The following CYB5R1 variants were observed in gnomAD, a reference collection of about 807,000 sequenced individuals.
The protein encoded by CYB5R1 is NADH-cytochrome b5 reductase 1.
In CYB5R1, 32 loss-of-function variants were observed where a neutral mutation model predicts 37.4. The observed-to-expected ratio is 0.86, with a 90% CI of 0.65 to 1.15. The LOEUF is 1.15. CYB5R1 is among the 50% of genes most tolerant of loss of function. The pLI, the probability that CYB5R1 is intolerant of heterozygous loss-of-function variation, is 0.00. For missense variants in CYB5R1, 345 were observed against 382.5 expected, an observed-to-expected ratio of 0.90 and a Z score of 0.82; for synonymous variants, 159 against 155.2, an observed-to-expected ratio of 1.02 and a Z score of -0.18.
chr1:202,964,717 G>A (rs1372719177), intron 5 of CYB5R1, 22 bp from the exon 6 acceptor site: 1 of 1,553,726 alleles, frequency 6.4e-7, no homozygotes, highest in East Asian at 2.2e-5. Flanking sequence ...GGTGAAGAGA[G>A]CAGTGGAAGA....
chr1:202,966,272 G>A (rs1275041409), intron 3 of CYB5R1: 1 of 598,784 alleles, frequency 1.7e-6, no homozygotes, highest in Non-Finnish European at 3.0e-6. Flanking sequence ...AGTAGTGCTT[G>A]CTCAGAGGGA....
chr1:202,966,091 C>A, intron 3 of CYB5R1, 98 bp from the exon 4 acceptor site: 1 of 836,040 alleles, frequency 1.2e-6, no homozygotes, highest in Non-Finnish European at 2.0e-6. Context: ...GTCTTGCTTC[C>A]TGCTGTGGTC....
At chr1:202,965,581 T>TCA in intron 4 of CYB5R1, 81 bp from the exon 5 acceptor site, 1 of 1,400,794 alleles carries the variant, frequency 7.1e-7, no homozygotes, top group Non-Finnish European at 9.6e-7. Flanking sequence ...TCCCTGAGGC[T>TCA]GGGGCAGGGA....
At position 202,966,863 on chromosome 1, in the gene CYB5R1, C is replaced by A; in HGVS notation, c.51G>T (p.Leu17=). The part of the protein sequence containing the change: ...PVLLASLGVG[L]VTLLGLAVGS... ...CCACAGCCAGGCCGAGCAGAGTGAC[C>A]AGCCCCACCCCCAGGGAGGCCAGCA... Residue 17 remains leucine, a synonymous_variant, in exon 2 of 9, where the codon CTG becomes CTT. Coordinates refer to ENST00000367249, the MANE Select transcript of CYB5R1 (RefSeq NM_016243.3). The A allele has an allele frequency of 3.7e-6, 6 of 1,613,448 alleles. No individual in the cohort carries two copies. Among genetic ancestry groups the A allele is most frequent in the Non-Finnish European group, 5.1e-6 (6 of 1,179,730 alleles).
chr1:202,965,972 G>C lies in CYB5R1; in HGVS notation c.260C>G (p.Thr87Ser), dbSNP rs1300979237. The change falls in exon 4 of 9, where the codon ACC becomes AGC. Residue 87 changes from threonine (T) to serine (S), a missense_variant. Thr to Ser is a moderately conservative substitution (Grantham distance 58, BLOSUM62 1). Coordinates refer to ENST00000367249, the MANE Select transcript of CYB5R1 (RefSeq NM_016243.3). ...GATGACCAGGCTGCCATCAATTCGG[G>C]TGGAGAGGTAGATATGTTTGCCTGG... Reference protein sequence around the residue: ...LPVGKHIYLSTRIDGSLVIRP... With the variant: ...LPVGKHIYLSSRIDGSLVIRP... 6.2e-7 allele frequency: 1 copy of C among 1,613,742 alleles called. No homozygotes were observed. Among genetic ancestry groups the C allele is most frequent in the East Asian group, 2.2e-5 (1 of 44,884 alleles).
intron 6 of CYB5R1, 80 bp downstream of exon 6, chr1:202,964,532 C>T: frequency 9.3e-7 from 1 of 1,070,996 alleles, no homozygotes; most frequent in Non-Finnish European, 1.5e-6. Flanking sequence ...CTATGGTTAC[C>T]AGTCTTCAGA....
rs774416493 is a variant in CYB5R1 at position 202,966,739 on chromosome 1, C to T, written c.165+10G>A. On this transcript the variant is annotated intron_variant, in intron 2 of 8. Transcript: ENST00000367249. ...CCTCCTTCACCCTGGCCCTTTCTTC[C>T]CCAACTTACCGTCTTGTCTAGCAGT... The T allele has an allele frequency of 1.9e-6, 3 of 1,613,504 alleles. No homozygotes were observed. The highest frequency in any genetic ancestry group is 3.3e-5 in the Admixed American group (2 of 59,980).
At position 202,964,485 on chromosome 1, in the gene CYB5R1, A is replaced by G. The variant is rs1655047432; in HGVS notation, c.559+127T>C. The G allele has an allele frequency of 1.6e-5, 13 of 822,418 alleles. No homozygotes were observed. In the South Asian group the frequency reaches 1.9e-4, roughly 12 times the overall value. The allele number at this position is 822,418 out of a possible 1,614,324, so 50.9% of individuals were successfully genotyped here. On this transcript the variant is annotated intron_variant, in intron 6 of 8. Coordinates refer to ENST00000367249, the MANE Select transcript of CYB5R1 (RefSeq NM_016243.3). ...GTTTTTCAGATACTAGGGAGTTCTAAGCATTGCTGGAAATCCCCTGATGAA... is the reference window on the plus strand; with the variant it reads ...GTTTTTCAGATACTAGGGAGTTCTAGGCATTGCTGGAAATCCCCTGATGAA...
chr1:202,966,957 G>A (rs1230132610), intron 1 of CYB5R1, 59 bp from the exon 2 acceptor site: 1 of 1,533,538 alleles, frequency 6.5e-7, no homozygotes, highest in East Asian at 2.4e-5. Flanking sequence ...GGCTTGGGTG[G>A]TGACCGTCCC....
intron 4 of CYB5R1, 127 bp downstream of exon 4, chr1:202,965,760 G>C: frequency 1.3e-6 from 1 of 753,516 alleles, no homozygotes; most frequent in Non-Finnish European, 2.2e-6. Context: ...AGTCTCCTGA[G>C]TAGCTCATAC....
chr1:202,965,688 A>T (rs1019101071), intron 4 of CYB5R1, among the ~76,000 whole-genome samples, 188 bp from the exon 5 acceptor site: 2 of 148,024 alleles, frequency 1.4e-5, no homozygotes, highest in African/African-American at 5.0e-5. Context: ...GCTTGAGTGC[A>T]GTGGCGCAAT....
In CYB5R1 at chr1:202,966,247, C is replaced by G. The variant is rs1181397035; in HGVS notation, c.239-254G>C. On this transcript the variant is annotated intron_variant, in intron 3 of 8. Transcript: ENST00000367249. ...GACAGATGAGCCAAAAGGGTCTGGG[C>G]AATGGGAAAAAGTTAGTAGTGCTTG... 5.1e-6 allele frequency: 3 copies of G among 594,008 alleles called. No homozygotes were observed. In the African/African-American group the frequency reaches 5.6e-5, roughly 11 times the overall value. The allele number at this position is 594,008 out of a possible 1,614,324, so 36.8% of individuals were successfully genotyped here. A position where few individuals can be genotyped will look rare whatever the true frequency, so the allele number is the denominator to read the frequency against.
chr1:202,962,688 T>C lies in CYB5R1; in HGVS notation c.757A>G (p.Ser253Gly), dbSNP rs1655015342. 1 of 1,614,008 alleles carries C rather than the reference T, an allele frequency of 6.2e-7. No homozygotes were observed. Among genetic ancestry groups the C allele is most frequent in the Non-Finnish European group, 8.5e-7 (1 of 1,180,034 alleles). ...LDHPPKDWAY[S>G]KGFVTADMIR... ...ATGTCGGCAGTCACAAAGCCCTTGC[T>C]GTAGGCCCAATCTGAAGTATGGGGA... The change falls in exon 9 of 9, where the codon AGC becomes GGC. Residue 253 changes from serine to glycine, a missense_variant. Transcript: ENST00000367249.
In CYB5R1 at chr1:202,963,058, A is replaced by C. The variant is rs561500440; in HGVS notation, c.745+8T>G. On this transcript the variant is annotated splice_region_variant and intron_variant, in intron 8 of 8. Coordinates refer to ENST00000367249, the MANE Select transcript of CYB5R1 (RefSeq NM_016243.3). ...GGATAGTGGGATGTCCAGAAATGGG[A>C]AGGATACCTTTTGGGGGATGATCCA... 7.4e-6 allele frequency: 12 copies of C among 1,611,344 alleles called. No homozygotes were observed. The African/African-American group carries it at 8.0e-5, about 11-fold the overall frequency.
rs147266184 is a variant in CYB5R1 at position 202,964,654 on chromosome 1, G to A, written c.517C>T (p.Pro173Ser). The stretch of plus-strand genomic sequence containing the variant: ...ATTCCCAGTTTCTTCGCCACTCGGG[G>A]TTCTGGTGGAGATTTCTTGTTGGGC... ...IQPNKKSPPE[P>S]RVAKKLGMIA... The change falls in exon 6 of 9, where the codon CCC becomes TCC. Residue 173 changes from proline (P) to serine (S), a missense_variant. Transcript: ENST00000367249. 3.7e-6 allele frequency: 6 copies of A among 1,613,902 alleles called. No homozygotes were observed. Among genetic ancestry groups the A allele is most frequent in the Non-Finnish European group, 3.4e-6 (4 of 1,179,800 alleles).
In CYB5R1 at chr1:202,965,948, A is replaced by G. The variant is rs1220560407; in HGVS notation, c.284T>C (p.Ile95Thr). Residue 95 changes from isoleucine (I) to threonine (T), a missense_variant, in exon 4 of 9, where the codon ATC becomes ACC. Transcript: ENST00000367249. ...ACTGGTGACAGGAGTGTATGGCCTGATGACCAGGCTGCCATCAATTCGGGT... is the reference window on the plus strand; with the variant it reads ...ACTGGTGACAGGAGTGTATGGCCTGGTGACCAGGCTGCCATCAATTCGGGT... ...LSTRIDGSLV[I>T]RPYTPVTSDE... 3.1e-6 allele frequency: 5 copies of G among 1,614,092 alleles called. No homozygotes were observed. Among genetic ancestry groups the G allele is most frequent in the Non-Finnish European group, 4.2e-6 (5 of 1,179,950 alleles).
chr1:202,966,697 C>T, intron 2 of CYB5R1, 52 bp downstream of exon 2: 1 of 1,612,236 alleles, frequency 6.2e-7, no homozygotes, highest in South Asian at 1.1e-5. Flanking sequence ...CCCTCCATGC[C>T]AGGAGCACTC....
At chr1:202,963,552 A>C (rs1200741455) in intron 7 of CYB5R1, 90 bp downstream of exon 7, 1 of 934,014 alleles carries the variant, frequency 1.1e-6, no homozygotes, top group African/African-American at 1.7e-5. Context: ...AAAACAGGGC[A>C]CTGGGCCAGT....
chr1:202,964,650 C>G lies in CYB5R1; in HGVS notation c.521G>C (p.Arg174Pro), dbSNP rs759006994. The G allele has an allele frequency of 2.5e-6, 4 of 1,613,740 alleles. No homozygotes were observed. Among genetic ancestry groups the G allele is most frequent in the Admixed American group, 1.7e-5 (1 of 60,000 alleles). Residue 174 changes from arginine to proline, a missense_variant, in exon 6 of 9, where the codon CGA (arginine) becomes CCA (proline). Transcript: ENST00000367249. Reference sequence around the variant, plus strand: ...AATCATTCCCAGTTTCTTCGCCACTCGGGGTTCTGGTGGAGATTTCTTGTT... The same window carrying G: ...AATCATTCCCAGTTTCTTCGCCACTGGGGGTTCTGGTGGAGATTTCTTGTT... ...QPNKKSPPEP[R>P]VAKKLGMIAG...
Sources: allele counts gnomAD v4.1 joint callset (sites outside exome capture counted in the v4.1 genomes callset), GRCh38; gene constraint gnomAD v4.1.1; transcripts MANE v1.5; gene names NCBI Gene and HGNC (gene_info 2026-07-23, HGNC 2026-07-21).